CXCL13: variants seen among roughly 807,000 people sequenced by gnomAD.
The protein encoded by CXCL13 is C-X-C motif chemokine 13.
In CXCL13, 7 loss-of-function variants were observed where a neutral mutation model predicts 12.2. The observed-to-expected ratio is 0.57, with a 90% confidence interval of 0.33 to 1.07. The LOEUF is 1.07. Among genes scored for constraint, CXCL13 ranks in the 50% least tolerant of loss-of-function variants. The pLI is 0.04. For synonymous variants in CXCL13, 47 were observed against 42.4 expected, an observed-to-expected ratio of 1.11 and a Z score of -0.42; for missense variants, 113 against 127.4, an observed-to-expected ratio of 0.89 and a Z score of 0.55.
At chr4:77,544,880 G>T (rs1725312938) in intron 1 of CXCL13, among the ~76,000 whole-genome samples, 1 of 152,146 alleles carries the variant, frequency 6.6e-6, no homozygotes, top group African/African-American at 2.4e-5. Context: ...ATGGTTTTAG[G>T]TCTAACATGC....
At chr4:77,531,961 C>T (rs547195210) in intron 1 of CXCL13, among the ~76,000 whole-genome samples, 1 of 152,264 alleles carries the variant, frequency 6.6e-6, no homozygotes, top group East Asian at 1.9e-4. Flanking sequence ...AGATGGGTTT[C>T]CTGAATACAG....
At chr4:77,512,911 A>G (rs890177720) in intron 1 of CXCL13, among the ~76,000 whole-genome samples, 16 of 152,012 alleles carry the variant, frequency 1.1e-4, no homozygotes, top group Non-Finnish European at 2.4e-4. Flanking sequence ...TATTTCTCCT[A>G]ATGCTATACC....
Position 77,515,278 on chromosome 4 carries a change from A to G in CXCL13, c.-43+3490A>G, listed in dbSNP as rs543250198. ...TTTGTTCTTTTGGCTTAGGATTGACATGGCGATGTGGGCTCTTTTTTGGTT... is the reference window on the plus strand; with the variant it reads ...TTTGTTCTTTTGGCTTAGGATTGACGTGGCGATGTGGGCTCTTTTTTGGTT... On this transcript the variant is annotated intron_variant, in intron 1 of 4. Transcript: ENST00000286758. 4.6e-5 allele frequency among the ~76,000 whole-genome samples: 7 copies of G among 152,172 alleles called. No individual in the cohort carries two copies. In the South Asian group the frequency reaches 8.3e-4, roughly 18 times the overall value.
chr4:77,517,725 G>C (rs192148224), intron 1 of CXCL13, among the ~76,000 whole-genome samples: 1 of 152,068 alleles, frequency 6.6e-6, no homozygotes, highest in African/African-American at 2.4e-5. Flanking sequence ...TGGGTTTCCC[G>C]AATACAACAC....
intron 1 of CXCL13, among the ~76,000 whole-genome samples, chr4:77,519,637 G>A (rs1308320952): frequency 1.3e-5 from 2 of 152,014 alleles, no homozygotes; most frequent in East Asian, 1.9e-4. Context: ...TGGGTCAATT[G>A]CAAAAGTTTT....
intron 1 of CXCL13, among the ~76,000 whole-genome samples, chr4:77,544,215 A>G (rs1031025194): frequency 1.3e-5 from 2 of 152,174 alleles, no homozygotes; most frequent in African/African-American, 4.8e-5. Context: ...GTATGTGTGC[A>G]TGTGTCTTTA....
intron 2 of CXCL13, 52 bp downstream of exon 2, chr4:77,607,887 A>T (rs1214911112): frequency 6.4e-7 from 1 of 1,565,542 alleles, no homozygotes; most frequent in East Asian, 2.2e-5. Context: ...ATGAAATCAG[A>T]TCAAATGTTA....
chr4:77,570,924 C>A (rs1226264627), intron 1 of CXCL13, among the ~76,000 whole-genome samples: 1 of 152,010 alleles, frequency 6.6e-6, no homozygotes, highest in African/African-American at 2.4e-5. Flanking sequence ...GGGACTGCAG[C>A]CCGCCATGCC....
At chr4:77,534,794 C>A (rs192505601) in intron 1 of CXCL13, among the ~76,000 whole-genome samples, 1 of 152,148 alleles carries the variant, frequency 6.6e-6, no homozygotes, top group Non-Finnish European at 1.5e-5. Context: ...GGGGTTGGAC[C>A]ATAAAGAAGC....
intron 1 of CXCL13, among the ~76,000 whole-genome samples, chr4:77,565,813 A>G (rs1195711869): frequency 6.6e-6 from 1 of 152,228 alleles, no homozygotes; most frequent in African/African-American, 2.4e-5. Flanking sequence ...GACATGGAAA[A>G]AAAAATTGAT....
At chr4:77,596,710 G>A (rs1022691410) in intron 1 of CXCL13, among the ~76,000 whole-genome samples, 3 of 151,304 alleles carry the variant, frequency 2.0e-5, no homozygotes, top group East Asian at 1.9e-4. Flanking sequence ...ATTGGAACCC[G>A]GGAGGCAGAG....
chr4:77,583,501 C>T (rs912533576), intron 1 of CXCL13, among the ~76,000 whole-genome samples: 1 of 152,210 alleles, frequency 6.6e-6, no homozygotes, highest in Non-Finnish European at 1.5e-5. Context: ...CCTGAACATA[C>T]TCTTCAACCA....
At chr4:77,559,918 TC>T (rs1326613650) in intron 1 of CXCL13, among the ~76,000 whole-genome samples, 5 of 73,916 alleles carry the variant, frequency 6.8e-5, no homozygotes, top group Non-Finnish European at 1.1e-4. Flanking sequence ...CGAGACTCCA[TC>T]ACAAAAAAAA....
chr4:77,595,897 G>T (rs887263758), intron 1 of CXCL13, among the ~76,000 whole-genome samples: 1 of 152,086 alleles, frequency 6.6e-6, no homozygotes, highest in Non-Finnish European at 1.5e-5. Context: ...TGTCCCCTGG[G>T]CTCCAAACAA....
intron 1 of CXCL13, among the ~76,000 whole-genome samples, chr4:77,563,539 G>A (rs1186143869): frequency 6.6e-6 from 1 of 152,194 alleles, no homozygotes; most frequent in Non-Finnish European, 1.5e-5. Context: ...TAGCAGAAGA[G>A]TAACCTTGGC....
At chr4:77,609,323 T>G (rs1178332804) in intron 2 of CXCL13, among the ~76,000 whole-genome samples, 1 of 152,096 alleles carries the variant, frequency 6.6e-6, no homozygotes, top group Non-Finnish European at 1.5e-5. Context: ...TTTGTTTTGT[T>G]TTGTTTTGAG....
At chr4:77,529,933 AT>A (rs1190096876) in intron 1 of CXCL13, among the ~76,000 whole-genome samples, 1 of 152,168 alleles carries the variant, frequency 6.6e-6, no homozygotes, top group African/African-American at 2.4e-5. Flanking sequence ...AGCTCTCATT[AT>A]TTTGAGATAC....
intron 1 of CXCL13, among the ~76,000 whole-genome samples, chr4:77,575,649 G>C (rs1177800604): frequency 2.0e-5 from 3 of 151,804 alleles, no homozygotes; most frequent in African/African-American, 7.3e-5. Flanking sequence ...TGGCTGCATA[G>C]TATTCCATGT....
chr4:77,559,051 G>A (rs769763953), intron 1 of CXCL13, among the ~76,000 whole-genome samples: 1 of 152,144 alleles, frequency 6.6e-6, no homozygotes, highest in Non-Finnish European at 1.5e-5. Context: ...TCTTCCACCA[G>A]TATACCATCC....
Sources: allele counts gnomAD v4.1 joint callset (sites outside exome capture counted in the v4.1 genomes callset), GRCh38; gene constraint gnomAD v4.1.1; transcripts MANE v1.5; gene names NCBI Gene and HGNC (gene_info 2026-07-23, HGNC 2026-07-21).